The following RARB variants were observed in gnomAD, a reference collection of about 807,000 sequenced individuals.
The protein encoded by RARB is HBV-activated protein.
A neutral mutation model predicts 51.9 loss-of-function variants in RARB; 17 were observed. The observed-to-expected ratio is 0.33, with a 90% confidence interval of 0.22 to 0.49. RARB has a LOEUF of 0.49. Ranked by LOEUF, RARB falls within the 20% of genes least tolerant of loss-of-function variation. RARB has a pLI of 0.99. For missense variants in RARB, 369 were observed against 550.8 expected, an observed-to-expected ratio of 0.67 and a Z score of 3.30; for synonymous variants, 215 against 195.4, an observed-to-expected ratio of 1.10 and a Z score of -0.84.
rs569811314 is a variant in RARB at position 24,993,879 on chromosome 3, A to G, written c.-379-66246A>G. Among the ~76,000 whole-genome samples the G allele has an allele frequency of 2.3e-3, 353 of 152,232 alleles. 2 individuals are homozygous for G. Among genetic ancestry groups the G allele is most frequent in the African/African-American group, 8.0e-3 (331 of 41,536 alleles). On this transcript the variant is annotated intron_variant, in intron 2 of 11. Coordinates refer to the RARB transcript ENST00000383772. The stretch of plus-strand genomic sequence containing the variant: ...GAATAGTATTCCATTGTGTATATAT[A>G]CCATGCTTTCTTTATCCATTAACCT...
chr3:25,385,550 T>G (rs1010980827), intron 5 of RARB, among the ~76,000 whole-genome samples: 1 of 152,138 alleles, frequency 6.6e-6, no homozygotes, highest in African/African-American at 2.4e-5. Context: ...AAGCCTCAGT[T>G]TCCCCTACCA....
At chr3:25,307,159 T>G (rs906063172) in intron 5 of RARB, among the ~76,000 whole-genome samples, 1 of 152,112 alleles carries the variant, frequency 6.6e-6, no homozygotes, top group African/African-American at 2.4e-5. Context: ...GCGGATCAAT[T>G]GAGAACCGGA....
chr3:25,480,115 T>A (rs775120265), intron 2 of RARB, among the ~76,000 whole-genome samples: 12 of 152,218 alleles, frequency 7.9e-5, no homozygotes, highest in Admixed American at 2.0e-4. Flanking sequence ...ACCAGTAATT[T>A]CCATTGGATT....
intron 4 of RARB, among the ~76,000 whole-genome samples, chr3:25,142,586 G>C (rs901879264): frequency 2.8e-4 from 32 of 112,514 alleles, no homozygotes; most frequent in African/African-American, 1.0e-3. Flanking sequence ...ATCACTGCCT[G>C]TATTTTTTTT....
rs1055848049 is a variant in RARB at position 25,428,268 on chromosome 3, A to C, written c.-464A>C. 3 of 1,233,344 alleles carry C rather than the reference A, an allele frequency of 2.4e-6. No individual in the cohort carries two copies. The African/African-American group carries it at 4.7e-5, about 19-fold the overall frequency. 76.4% of individuals were successfully genotyped at this position (1,233,344 alleles called of 1,614,324 possible). On this transcript the variant is annotated 5_prime_UTR_variant, in exon 1 of 8. Coordinates refer to ENST00000330688, the MANE Select transcript of RARB (RefSeq NM_000965.5). ...AATTCAATCTTTCATTCTGTGTGAC[A>C]GAAGTAGTAGGAAGTGAGCTGTTCA...
At chr3:24,845,886 T>G (rs2125332725) in intron 1 of RARB, among the ~76,000 whole-genome samples, 1 of 152,352 alleles carries the variant, frequency 6.6e-6, no homozygotes, top group South Asian at 2.1e-4. Context: ...TTATTTGGGG[T>G]GATTACCATC....
Position 25,273,266 on chromosome 3 carries a change from C to A in RARB, c.178+98691C>A, listed in dbSNP as rs140819333. ...AAGGACTCGAACTGGCCTCAGCTAT[C>A]GTGCATGAGAAGCTCATGCTTTCTT... is the stretch of plus-strand genomic sequence containing the variant. On this transcript the variant is annotated intron_variant, in intron 5 of 11. Coordinates refer to the RARB transcript ENST00000383772. Among the ~76,000 whole-genome samples, 106 of 152,282 alleles carry A rather than the reference C, an allele frequency of 7.0e-4. 1 individual carries two copies. The highest frequency in any genetic ancestry group is 3.4e-3 in the Middle Eastern group (1 of 294).
chr3:25,496,934 G>A (rs989785030), intron 2 of RARB, among the ~76,000 whole-genome samples: 4 of 152,158 alleles, frequency 2.6e-5, no homozygotes, highest in Admixed American at 2.6e-4. Flanking sequence ...ACCCAAGCTG[G>A]AGTGCAGTGG....
At chr3:25,342,731 T>G (rs1393891607) in intron 5 of RARB, among the ~76,000 whole-genome samples, 1 of 152,218 alleles carries the variant, frequency 6.6e-6, no homozygotes, top group Non-Finnish European at 1.5e-5. Context: ...GATACATTTT[T>G]CTGCCTTGGT....
chr3:24,917,444 C>T (rs1339957276), intron 2 of RARB, among the ~76,000 whole-genome samples: 1 of 152,224 alleles, frequency 6.6e-6, no homozygotes, highest in Non-Finnish European at 1.5e-5. Flanking sequence ...CAAAGCACAA[C>T]TCAGTGATGG....
intron 2 of RARB, among the ~76,000 whole-genome samples, chr3:24,911,088 C>G (rs761331673): frequency 1.3e-5 from 2 of 152,178 alleles, no homozygotes; most frequent in Non-Finnish European, 2.9e-5. Flanking sequence ...TTCATTCTCC[C>G]TAAATTGCCT....
intron 5 of RARB, among the ~76,000 whole-genome samples, chr3:25,371,196 G>A (rs895316537): frequency 6.6e-6 from 1 of 152,060 alleles, no homozygotes; most frequent in Non-Finnish European, 1.5e-5. Flanking sequence ...GAGGTAATTC[G>A]CTCATGAGAG....
At chr3:24,861,714 C>T (rs369152439) in intron 2 of RARB, among the ~76,000 whole-genome samples, 17 of 152,144 alleles carry the variant, frequency 1.1e-4, no homozygotes, top group Non-Finnish European at 2.2e-4. Flanking sequence ...GTTGGGTTCA[C>T]GTATCTGCTT....
At chr3:24,976,929 AT>A (rs1243140545) in intron 2 of RARB, among the ~76,000 whole-genome samples, 3 of 152,130 alleles carry the variant, frequency 2.0e-5, no homozygotes, top group Non-Finnish European at 4.4e-5. Flanking sequence ...TCTTGAATTA[AT>A]TTTTGTGTAA....
At chr3:25,540,013 C>G (rs903912847) in intron 3 of RARB, among the ~76,000 whole-genome samples, 1 of 152,136 alleles carries the variant, frequency 6.6e-6, no homozygotes, top group African/African-American at 2.4e-5. Flanking sequence ...GGGCCGACTG[C>G]TGGACTTTAG....
At chr3:25,483,825 T>C (rs961407230) in intron 2 of RARB, among the ~76,000 whole-genome samples, 7 of 152,224 alleles carry the variant, frequency 4.6e-5, no homozygotes, top group Non-Finnish European at 7.3e-5. Flanking sequence ...TAAAATATTT[T>C]ATCATTAATG....
chr3:25,201,962 G>A (rs1701403064), intron 5 of RARB, among the ~76,000 whole-genome samples: 1 of 152,266 alleles, frequency 6.6e-6, no homozygotes. Context: ...AATGAGTTAG[G>A]GAGGATTCCC....
chr3:25,593,816 CAT>C (rs778262014), intron 6 of RARB, 109 bp downstream of exon 6: 37 of 1,079,694 alleles, frequency 3.4e-5, no homozygotes, highest in East Asian at 3.3e-4. Context: ...CATGGGAAAA[CAT>C]GTGAATAAAG....
chr3:25,287,830 A>G (rs1392728641), intron 5 of RARB, among the ~76,000 whole-genome samples: 3 of 152,116 alleles, frequency 2.0e-5, no homozygotes, highest in Non-Finnish European at 2.9e-5. Context: ...TGTGATAGAT[A>G]CATTTCTCTT....
Sources: allele counts gnomAD v4.1 joint callset (sites outside exome capture counted in the v4.1 genomes callset), GRCh38; gene constraint gnomAD v4.1.1; transcripts MANE v1.5; gene names NCBI Gene and HGNC (gene_info 2026-07-23, HGNC 2026-07-21).